DST: variants seen among roughly 807,000 people sequenced by gnomAD.
DST encodes the protein bullous pemphigoid antigen.
In DST, 253 loss-of-function variants were observed where a neutral mutation model predicts 875.2. That is an observed-to-expected ratio of 0.29 (90% confidence interval 0.26 to 0.32). DST has a LOEUF of 0.32. Among genes scored for constraint, DST ranks in the 10% least tolerant of loss-of-function variants. The probability of loss-of-function intolerance (pLI) is 1.00; values close to 1 mark genes in which losing one functional copy is unlikely to be tolerated. For synonymous variants in DST, 3,124 were observed against 3,197.1 expected (o/e 0.98, Z 0.77); for missense variants, 8,287 against 9,111.6 (o/e 0.91, Z 3.68).
In DST at chr6:56,598,604, T is replaced by C. The variant is rs2098414451; in HGVS notation, c.11800A>G (p.Lys3934Glu). The C allele has an allele frequency of 6.2e-7, 1 of 1,612,524 alleles. No homozygotes were observed. Among genetic ancestry groups the C allele is most frequent in the Non-Finnish European group, 8.5e-7 (1 of 1,179,074 alleles). ...ENGEKLSQED[K>E]ALIEQKLNEA... ...TTAAGTTTCTGTTCAATCAAAGCCT[T>C]ATCTTCCTGTGACAGCTTTTCACCA... is the stretch of plus-strand genomic sequence containing the variant. The change falls in exon 46 of 104, where the codon AAG (lysine) becomes GAG (glutamate). Residue 3934 changes from lysine (K) to glutamate (E), a missense_variant. Around this residue, in one of 10 missense-constraint regions of DST, gnomAD observed 1,513 missense variants for 1,677.8 expected, o/e 0.90. Transcript: ENST00000680361.
At chr6:56,840,756 G>C (rs2099799004) in intron 4 of DST, among the ~76,000 whole-genome samples, 1 of 152,130 alleles carries the variant, frequency 6.6e-6, no homozygotes, top group Non-Finnish European at 1.5e-5. Flanking sequence ...CTGAAGACTA[G>C]ACCTAACAAA....
At chr6:56,522,918 A>G (rs1437348854) in intron 69 of DST, among the ~76,000 whole-genome samples, 17 of 152,152 alleles carry the variant, frequency 1.1e-4, no homozygotes, top group Admixed American at 1.1e-3. Context: ...TTTTTCAAGT[A>G]AAAGTGCCTT....
At chr6:56,843,287 A>C in intron 4 of DST, 1 of 1,247,096 alleles carries the variant, frequency 8.0e-7, no homozygotes, top group Non-Finnish European at 1.0e-6. Context: ...CGGAAGCCGA[A>C]GACGCAGAGC....
intron 72 of DST, among the ~76,000 whole-genome samples, chr6:56,514,576 T>TACACAC (rs199770226): frequency 0.031 from 3,302 of 107,188 alleles, 53 homozygotes; most frequent in Non-Finnish European, 0.05. Flanking sequence ...GGCACAGGCG[T>TACACAC]ATACACACAC....
chr6:56,651,286 C>T, intron 10 of DST, 42 bp from the exon 11 acceptor site: 1 of 1,203,928 alleles, frequency 8.3e-7, no homozygotes, highest in Non-Finnish European at 1.2e-6. Context: ...TTCTCATGTG[C>T]CAATTCAACA....
chr6:56,656,229 C>T (rs905848336), intron 10 of DST, among the ~76,000 whole-genome samples: 5 of 152,248 alleles, frequency 3.3e-5, no homozygotes, highest in Admixed American at 6.5e-5. Flanking sequence ...CACACCCTTT[C>T]GAGGTTTCCT....
chr6:56,835,062 A>G (rs2099791957), intron 4 of DST, among the ~76,000 whole-genome samples: 1 of 152,210 alleles, frequency 6.6e-6, no homozygotes, highest in African/African-American at 2.4e-5. Flanking sequence ...CTTTAAATGC[A>G]TATTGCTAAG....
At chr6:56,512,480 C>T (rs2096496358) in intron 72 of DST, among the ~76,000 whole-genome samples, 1 of 152,164 alleles carries the variant, frequency 6.6e-6, no homozygotes, top group South Asian at 2.1e-4. Context: ...TTCATTTGCA[C>T]CACATTATTG....
At chr6:56,462,210 T>C (rs778091570) in intron 102 of DST, 27 of 152,210 alleles carry the variant, frequency 1.8e-4, no homozygotes, top group Non-Finnish European at 2.9e-4. Flanking sequence ...GGGATTCTAA[T>C]AAAATATCTG....
chr6:56,805,110 A>T (rs1203738584), intron 4 of DST, among the ~76,000 whole-genome samples: 2 of 152,116 alleles, frequency 1.3e-5, no homozygotes, highest in Admixed American at 1.3e-4. Flanking sequence ...CAACTGACAG[A>T]GTTCTCAAGC....
chr6:56,473,932 G>T lies in DST; in HGVS notation c.21935C>A (p.Ala7312Asp). The change falls in exon 93 of 104, where the codon GCT becomes GAT. Residue 7312 changes from alanine (A) to aspartate (D), a missense_variant. By Grantham distance (126) the Ala-to-Asp change is moderately radical. Transcript: ENST00000680361. ...DKVTKTYKRRAADPSSLQSHI... is the reference protein window; with the variant it reads ...DKVTKTYKRRDADPSSLQSHI... Reference sequence around the variant, plus strand: ...GGATTGTAATGAGGAAGGATCAGCAGCTCTCCTCTTATAGGTCTTCGTTAC... The same window carrying T: ...GGATTGTAATGAGGAAGGATCAGCATCTCTCCTCTTATAGGTCTTCGTTAC... 1 of 1,592,478 alleles carries T rather than the reference G, an allele frequency of 6.3e-7. No homozygotes were observed. The highest frequency in any genetic ancestry group is 1.7e-5 in the Admixed American group (1 of 57,370).
intron 4 of DST, among the ~76,000 whole-genome samples, chr6:56,783,744 T>C (rs538285773): frequency 1.5e-4 from 23 of 152,348 alleles, no homozygotes; most frequent in Admixed American, 1.5e-3. Context: ...AATATTGTTA[T>C]GTGTGAACCT....
chr6:56,572,043 T>C (rs1345403026), intron 53 of DST, 57 bp downstream of exon 53: 9 of 1,001,340 alleles, frequency 9.0e-6, no homozygotes, highest in Non-Finnish European at 1.1e-5. Context: ...TAAATACAAG[T>C]ATCTCACTCT....
rs543953617 is a variant in DST, at chr6:56,781,892, A to G, written c.626-46603T>C. Among the ~76,000 whole-genome samples, 1,210 of 152,082 alleles carry G rather than the reference A, an allele frequency of 8.0e-3. 14 individuals carry two copies. The highest frequency in any genetic ancestry group is 0.027 in the African/African-American group (1,105 of 41,398). On this transcript the variant is annotated intron_variant, in intron 4 of 103. Coordinates refer to ENST00000680361, the MANE Select transcript of DST (RefSeq NM_001374736.1). ...GATAGCTCTTATTATTTTGAGATACATCCCATCAATACCTAATTTATTGAC... is the reference window on the plus strand; with the variant it reads ...GATAGCTCTTATTATTTTGAGATACGTCCCATCAATACCTAATTTATTGAC...
intron 5 of DST, among the ~76,000 whole-genome samples, chr6:56,731,061 G>GC (rs1304388864): frequency 6.6e-6 from 1 of 152,068 alleles, no homozygotes; most frequent in African/African-American, 2.4e-5. Flanking sequence ...AGTCCTCAGG[G>GC]CCCATCCTCA....
At chr6:56,836,855 AAAAAAAAAG>A (rs1178152608) in intron 4 of DST, among the ~76,000 whole-genome samples, 14 of 141,278 alleles carry the variant, frequency 9.9e-5, no homozygotes, top group Non-Finnish European at 2.1e-4. Flanking sequence ...CATCTCAAAA[AAAAAAAAAG>A]AAAGAAAAAA....
Position 56,795,210 on chromosome 6 carries a change from AT to A in DST, c.625+56186del, listed in dbSNP as rs150713513. On this transcript the variant is annotated intron_variant, in intron 4 of 103. Coordinates refer to ENST00000680361, the MANE Select transcript of DST (RefSeq NM_001374736.1). ...AACAGGAGTCCATAAAAGCAGAATAATTAGAGTACAAAAAAATGAATTCTCA... is the reference window on the plus strand; with the variant it reads ...AACAGGAGTCCATAAAAGCAGAATAATAGAGTACAAAAAAATGAATTCTCA... Among the ~76,000 whole-genome samples the A allele has an allele frequency of 8.4e-3, 1,279 of 152,274 alleles. 16 individuals are homozygous for A. The highest frequency in any genetic ancestry group is 0.029 in the African/African-American group (1,215 of 41,562).
At chr6:56,619,449 G>T (rs2098664650) in intron 36 of DST, 1 of 1,611,860 alleles carries the variant, frequency 6.2e-7, no homozygotes, top group Admixed American at 1.7e-5. Context: ...TCTTTTAGAT[G>T]ATCTGATTTT....
At chr6:56,938,108 C>CTCTCTCTCTCTCTATATATA (rs1383243392) in intron 2 of DST, among the ~76,000 whole-genome samples, 14 of 120,748 alleles carry the variant, frequency 1.2e-4, no homozygotes, top group African/African-American at 4.5e-4. Flanking sequence ...CTCTCTCTCT[C>CTCTCTCTCTCTCTATATATA]TATATATATA....
Sources: allele counts gnomAD v4.1 joint callset (sites outside exome capture counted in the v4.1 genomes callset), GRCh38; gene constraint gnomAD v4.1.1; regional missense constraint gnomAD v4.1.1; transcripts MANE v1.5; gene names NCBI Gene and HGNC (gene_info 2026-07-23, HGNC 2026-07-21).